Variants in ITGBL1 observed in about 807,000 individuals in gnomAD.
The protein encoded by ITGBL1 is integrin subunit beta like 1.
ITGBL1 carries 51 observed loss-of-function variants against 68.5 expected under a neutral mutation model. The ratio of observed to expected loss-of-function variants is 0.74; its 90% CI spans 0.59 to 0.94. The LOEUF (loss-of-function observed/expected upper bound fraction) is 0.94, where lower values mean the gene tolerates loss of function less well. ITGBL1 is among the 40% of genes least tolerant of loss of function. ITGBL1 has a pLI of 0.00. For missense variants in ITGBL1, 649 were observed against 647.4 expected (o/e 1.00, Z -0.03); for synonymous variants, 209 against 227.3 (o/e 0.92, Z 0.72).
intron 2 of ITGBL1, among the ~76,000 whole-genome samples, chr13:101,483,673 A>G (rs181711722): frequency 1.4e-4 from 21 of 152,340 alleles, no homozygotes; most frequent in Non-Finnish European, 1.9e-4. Context: ...TGTTTGTAAA[A>G]TAACATTTAT....
At chr13:101,545,550 C>T (rs1194560611) in intron 2 of ITGBL1, among the ~76,000 whole-genome samples, 1 of 152,082 alleles carries the variant, frequency 6.6e-6, no homozygotes, top group African/African-American at 2.4e-5. Context: ...ACACTTTTAT[C>T]TGTAGACAGG....
chr13:101,587,145 C>T (rs1382394626), intron 6 of ITGBL1, among the ~76,000 whole-genome samples: 1 of 152,154 alleles, frequency 6.6e-6, no homozygotes, highest in African/African-American at 2.4e-5. Flanking sequence ...AATTGACATT[C>T]TCATTTTATT....
intron 2 of ITGBL1, among the ~76,000 whole-genome samples, chr13:101,523,649 ATGT>A (rs1345814567): frequency 1.3e-5 from 2 of 152,168 alleles, no homozygotes; most frequent in African/African-American, 4.8e-5. Context: ...AGAGGAGTTT[ATGT>A]TGTTCACATT....
In ITGBL1 at chr13:101,583,217, G is replaced by A. The variant is rs1314733694; in HGVS notation, c.729G>A (p.Gly243=). ...SPDGKICSNR[G]TCVCGECTCH... is the part of the protein sequence containing the mutation. The stretch of plus-strand genomic sequence containing the variant: ...TATAAAATTCTTCTTCCCACCTAGG[G>A]ACTTGTGTATGTGGTGAATGTACCT... Residue 243 remains glycine (G), a splice_region_variant and synonymous_variant, in exon 6 of 11, where the codon GGG becomes GGA. Coordinates refer to ENST00000376180, the MANE Select transcript of ITGBL1 (RefSeq NM_004791.3). 3.1e-6 allele frequency: 5 copies of A among 1,613,298 alleles called. No homozygotes were observed. The highest frequency in any genetic ancestry group is 4.2e-6 in the Non-Finnish European group (5 of 1,179,612).
At chr13:101,460,450 C>A (rs1381147910) in intron 2 of ITGBL1, among the ~76,000 whole-genome samples, 1 of 152,214 alleles carries the variant, frequency 6.6e-6, no homozygotes, top group Admixed American at 6.5e-5. Flanking sequence ...TTACATTCAT[C>A]TGTGTTCGAT....
chr13:101,588,312 T>TGTGTGTGTGTGTGC (rs1433295721), intron 6 of ITGBL1, among the ~76,000 whole-genome samples: 1 of 151,976 alleles, frequency 6.6e-6, no homozygotes, highest in African/African-American at 2.4e-5. Context: ...TGTGTGTGTG[T>TGTGTGTGTGTGTGC]GTGCATGTGT....
chr13:101,572,692 T>C (rs1297380082), intron 3 of ITGBL1, among the ~76,000 whole-genome samples: 1 of 151,876 alleles, frequency 6.6e-6, no homozygotes, highest in Non-Finnish European at 1.5e-5. Flanking sequence ...AGACAGGAAG[T>C]CTCTGAGCTG....
intron 2 of ITGBL1, among the ~76,000 whole-genome samples, chr13:101,543,236 C>G (rs1414176899): frequency 6.6e-6 from 1 of 152,046 alleles, no homozygotes; most frequent in Non-Finnish European, 1.5e-5. Context: ...TTCAGGAGCT[C>G]TTTTAGGGCA....
intron 7 of ITGBL1, among the ~76,000 whole-genome samples, chr13:101,680,079 A>G (rs2033605591): frequency 6.6e-6 from 1 of 152,174 alleles, no homozygotes; most frequent in Non-Finnish European, 1.5e-5. Context: ...ATGAAGTTTT[A>G]CTGGCTGTTT....
intron 7 of ITGBL1, among the ~76,000 whole-genome samples, chr13:101,620,605 G>A (rs575503458): frequency 1.3e-5 from 2 of 152,140 alleles, no homozygotes; most frequent in East Asian, 3.9e-4. Context: ...CCCACTAATA[G>A]CAAAATGAAT....
At chr13:101,625,700 C>T (rs1470814913) in intron 7 of ITGBL1, among the ~76,000 whole-genome samples, 1 of 152,034 alleles carries the variant, frequency 6.6e-6, no homozygotes, top group Non-Finnish European at 1.5e-5. Flanking sequence ...ATACAGGAGC[C>T]TGCCATCATG....
chr13:101,518,664 T>C (rs770446170), intron 2 of ITGBL1, among the ~76,000 whole-genome samples: 6 of 152,214 alleles, frequency 3.9e-5, no homozygotes, highest in African/African-American at 7.2e-5. Context: ...CCCCCAGGTA[T>C]GTATAATATT....
At chr13:101,676,375 T>C (rs977694660) in intron 7 of ITGBL1, among the ~76,000 whole-genome samples, 6 of 152,172 alleles carry the variant, frequency 3.9e-5, no homozygotes, top group African/African-American at 1.4e-4. Context: ...CAATTAGGAA[T>C]TGAGATAATA....
rs544062259 is a variant in ITGBL1 at position 101,588,923 on chromosome 13, T to C, written c.868+5567T>C. Among the ~76,000 whole-genome samples, 17 of 152,312 alleles carry C rather than the reference T, an allele frequency of 1.1e-4. No individual in the cohort carries two copies. The East Asian group carries it at 3.3e-3, about 29-fold the overall frequency. The stretch of plus-strand genomic sequence containing the variant: ...TTTTGTTTTATAATTTTCTGTCTTA[T>C]CTGAAAAGCCCAATACCTGCCTGAG... On this transcript the variant is annotated intron_variant, in intron 6 of 10. Transcript: ENST00000376180.
intron 7 of ITGBL1, among the ~76,000 whole-genome samples, chr13:101,630,712 G>T (rs1322933319): frequency 6.6e-6 from 1 of 152,068 alleles, no homozygotes; most frequent in South Asian, 2.1e-4. Flanking sequence ...ATCATTGTTA[G>T]ATCTCCCCTG....
intron 7 of ITGBL1, among the ~76,000 whole-genome samples, chr13:101,648,662 AATT>A (rs2139446723): frequency 6.6e-6 from 1 of 152,322 alleles, no homozygotes; most frequent in East Asian, 1.9e-4. Flanking sequence ...AAACCATTAA[AATT>A]ATTAAATAAA....
chr13:101,569,025 A>AACACAC (rs112814235), intron 3 of ITGBL1, among the ~76,000 whole-genome samples: 7,992 of 103,508 alleles, frequency 0.077, 669 homozygotes, highest in East Asian at 0.17. Context: ...CACCCCTCCA[A>AACACAC]ACACACACAC....
At position 101,709,396 on chromosome 13, in the gene ITGBL1, A is replaced by AAAAG. The variant is rs1348939305; in HGVS notation, c.1279+2496_1279+2497insAGAA. On this transcript the variant is annotated intron_variant, in intron 9 of 10. Transcript: ENST00000376180. ...CAAAAAAAAAAAAAAAAAAAAAAAA[A>AAAAG]AAGAAAAGCAGGAAAGGAGGCAGGG... Among the ~76,000 whole-genome samples, 41 of 144,902 alleles carry AAAAG rather than the reference A, an allele frequency of 2.8e-4. 1 individual carries two copies. Among genetic ancestry groups the AAAAG allele is most frequent in the African/African-American group, 9.8e-4 (39 of 39,920 alleles).
At chr13:101,462,638 A>G (rs1252680278) in intron 2 of ITGBL1, among the ~76,000 whole-genome samples, 1 of 152,036 alleles carries the variant, frequency 6.6e-6, no homozygotes, top group Admixed American at 6.5e-5. Context: ...GCTGGAGTGC[A>G]GTGGAGCAAT....
Sources: gnomAD v4.1 joint callset for allele counts (sites outside exome capture counted in the v4.1 genomes callset) on GRCh38, gnomAD v4.1.1 for gene constraint, MANE v1.5 for transcripts, NCBI Gene and HGNC (gene_info 2026-07-23, HGNC 2026-07-21) for gene names.